The following ZNF605 variants were observed in gnomAD, a reference collection of about 807,000 sequenced individuals.
ZNF605 encodes zinc finger protein 605.
A neutral mutation model predicts 7.9 loss-of-function variants in ZNF605; 9 were observed. The ratio of observed to expected loss-of-function variants is 1.14; its 90% CI spans 0.68 to 1.98. The LOEUF (loss-of-function observed/expected upper bound fraction) is 1.98. Ranked by LOEUF, ZNF605 falls within the 30% of genes most tolerant of loss-of-function variation. ZNF605 has a pLI of 0.00. For missense variants in ZNF605, 673 were observed against 762.4 expected, an observed-to-expected ratio of 0.88 and a Z score of 1.38; for synonymous variants, 255 against 260.1, an observed-to-expected ratio of 0.98 and a Z score of 0.19.
rs888734242 is a variant in ZNF605, at chr12:132,921,757, C to G, written c.*3616G>C. 2 of 152,162 alleles carry G rather than the reference C, an allele frequency of 1.3e-5. No individual in the cohort carries two copies. The highest frequency in any genetic ancestry group is 4.8e-5 in the African/African-American group (2 of 41,436). 9.4% of individuals were successfully genotyped at this position (152,162 alleles called of 1,614,324 possible). The stretch of plus-strand genomic sequence containing the variant: ...GAAAAAGCACTACTGTGAAGCCTAA[C>G]GGCAATTATTTCCCTTCAAAGGAGG... On this transcript the variant is annotated 3_prime_UTR_variant, in exon 5 of 5. Coordinates refer to ENST00000360187, the MANE Select transcript of ZNF605 (RefSeq NM_183238.4).
Position 132,941,291 on chromosome 12 carries a change from A to C in ZNF605, c.15+4330T>G, listed in dbSNP as rs1952438309. Among the ~76,000 whole-genome samples the C allele has an allele frequency of 3.3e-5, 5 of 152,132 alleles. No homozygotes were observed. In the South Asian group the frequency reaches 8.3e-4, roughly 25 times the overall value. On this transcript the variant is annotated intron_variant, in intron 3 of 4. Coordinates refer to ENST00000360187, the MANE Select transcript of ZNF605 (RefSeq NM_183238.4). This position sits in a 1 kb window ranked among gnomAD's most constrained non-coding sequence, Gnocchi z 5.1. ...CTCAGAAGACGGTGAACCACGGGAA[A>C]CAGCTGTCCTGCTTTCCAGACTCTG...
At chr12:132,951,260 C>G (rs1952562033) in intron 1 of ZNF605, among the ~76,000 whole-genome samples, 1 of 151,694 alleles carries the variant, frequency 6.6e-6, no homozygotes, top group African/African-American at 2.4e-5. Context: ...TACAGACGCA[C>G]ATGTACATCA....
rs1348915183 is a variant in ZNF605 at position 132,941,666 on chromosome 12, C to T, written c.15+3955G>A. 6.6e-6 allele frequency among the ~76,000 whole-genome samples: 1 copy of T among 152,254 alleles called. No homozygotes were observed. The highest frequency in any genetic ancestry group is 1.5e-5 in the Non-Finnish European group (1 of 68,046). On this transcript the variant is annotated intron_variant, in intron 3 of 4. Transcript: ENST00000360187. The surrounding 1 kb of genome is among the most constrained non-coding windows in gnomAD (Gnocchi z 5.1). ...GACGAGATAACCGCAGCCTGGACTA[C>T]GCAGCTCAGGCAAGCGACCTCAGGC...
intron 2 of ZNF605, among the ~76,000 whole-genome samples, chr12:132,946,567 C>T (rs984534583): frequency 1.2e-4 from 18 of 152,318 alleles, no homozygotes; most frequent in Admixed American, 6.5e-4. Flanking sequence ...GCCCAGCTGC[C>T]GGTTTCCAAG....
chr12:132,939,148 G>A (rs1011740212), intron 3 of ZNF605, among the ~76,000 whole-genome samples: 76 of 152,114 alleles, frequency 5.0e-4, no homozygotes, highest in Non-Finnish European at 7.1e-4. Context: ...AGCGCACAGC[G>A]CAGGACTGGC....
chr12:132,927,943 C>A (rs1490476397), intron 4 of ZNF605, among the ~76,000 whole-genome samples: 1 of 152,184 alleles, frequency 6.6e-6, no homozygotes, highest in Non-Finnish European at 1.5e-5. Flanking sequence ...GCGTGAGCCA[C>A]CACGCCTGGC....
chr12:132,930,693 A>G (rs1952299464), intron 4 of ZNF605, among the ~76,000 whole-genome samples: 1 of 152,238 alleles, frequency 6.6e-6, no homozygotes, highest in Admixed American at 6.5e-5. Context: ...AAAATCCTAT[A>G]AAGTTATTTC....
In ZNF605 at chr12:132,925,772, T is replaced by G. The variant is rs997560175; in HGVS notation, c.1527A>C (p.Glu509Asp). ...GCTTCCAGGCAAAAGCTTTCCTACA[T>G]TCACTACATTCAAAGGGCTTTTCTC... The part of the protein sequence containing the change: ...HTGEKPFECS[E>D]CRKAFAWKPQ... Residue 509 changes from glutamate (E) to aspartate (D), a missense_variant, in exon 5 of 5, where the codon GAA becomes GAC. Physicochemically the swap from Glu to Asp is conservative, Grantham distance 45. Coordinates refer to ENST00000360187, the MANE Select transcript of ZNF605 (RefSeq NM_183238.4). 7 of 1,614,086 alleles carry G rather than the reference T, an allele frequency of 4.3e-6. No homozygotes were observed. Among genetic ancestry groups the G allele is most frequent in the Non-Finnish European group, 5.9e-6 (7 of 1,179,978 alleles).
chr12:132,940,430 G>A (rs1412708638), intron 3 of ZNF605, among the ~76,000 whole-genome samples: 2 of 152,186 alleles, frequency 1.3e-5, no homozygotes, highest in Admixed American at 6.5e-5. Flanking sequence ...GGGCCTCATG[G>A]AGGAAAACTG....
chr12:132,939,691 G>A (rs567954531), intron 3 of ZNF605, among the ~76,000 whole-genome samples: 3 of 152,166 alleles, frequency 2.0e-5, no homozygotes, highest in South Asian at 4.1e-4. Context: ...CAGGCTGCCC[G>A]AGCCAGCAGT....
intron 1 of ZNF605, among the ~76,000 whole-genome samples, chr12:132,952,417 C>T (rs764974787): frequency 2.4e-4 from 35 of 145,558 alleles, no homozygotes; most frequent in Non-Finnish European, 4.0e-4. Flanking sequence ...GCTGAGATCA[C>T]GCCACTGCAC....
At chr12:132,942,362 T>G (rs1385256822) in intron 3 of ZNF605, among the ~76,000 whole-genome samples, 2 of 152,212 alleles carry the variant, frequency 1.3e-5, no homozygotes, top group Non-Finnish European at 2.9e-5. Flanking sequence ...CTCGGCTTCC[T>G]CACGGTGCTG....
rs1298488542 is a variant in ZNF605 at position 132,926,910 on chromosome 12, C to T, written c.389G>A (p.Cys130Tyr). ...IDELNKKLLF[C>Y]IKPGRTHGGI... is the part of the protein sequence containing the mutation. ...ACCATGGGTTCTGCCAGGTTTGATA[C>T]AGAACAATAATTTCTTATTGAGTTC... Residue 130 changes from cysteine (C) to tyrosine (Y), a missense_variant, in exon 5 of 5, where the codon TGT becomes TAT. Physicochemically the swap from Cys to Tyr is radical, Grantham distance 194 (BLOSUM62 -2). Coordinates refer to ENST00000360187, the MANE Select transcript of ZNF605 (RefSeq NM_183238.4). The T allele has an allele frequency of 6.2e-7, 1 of 1,613,344 alleles. No homozygotes were observed. Among genetic ancestry groups the T allele is most frequent in the African/African-American group, 1.3e-5 (1 of 74,874 alleles).
intron 2 of ZNF605, among the ~76,000 whole-genome samples, chr12:132,947,399 C>T (rs1429181092): frequency 1.3e-5 from 2 of 152,100 alleles, no homozygotes; most frequent in African/African-American, 2.4e-5. Flanking sequence ...TAGCCTCAAC[C>T]TTCCTGGGCT....
chr12:132,926,801 T>C lies in ZNF605; in HGVS notation c.498A>G (p.Thr166=). The change falls in exon 5 of 5, where the codon ACA becomes ACG. Residue 166 remains threonine, a synonymous_variant. Transcript: ENST00000360187. The part of the protein sequence containing the change: ...PWLTANHITH[T]GVYLCMECGR... The stretch of plus-strand genomic sequence containing the variant: ...CACATTCCATGCATAAATAGACTCC[T>C]GTGTGTGTTATGTGATTAGCAGTGA... 1.2e-6 allele frequency: 2 copies of C among 1,614,158 alleles called. No individual in the cohort carries two copies. The highest frequency in any genetic ancestry group is 1.7e-6 in the Non-Finnish European group (2 of 1,180,016).
chr12:132,943,054 C>T (rs1952459921), intron 3 of ZNF605, among the ~76,000 whole-genome samples: 1 of 152,072 alleles, frequency 6.6e-6, no homozygotes, highest in Non-Finnish European at 1.5e-5. Context: ...TCAAGGAGTT[C>T]AGCTCCTGGT....
chr12:132,936,039 C>T (rs1408433563), intron 3 of ZNF605, among the ~76,000 whole-genome samples: 12 of 150,600 alleles, frequency 8.0e-5, no homozygotes, highest in Admixed American at 2.0e-4. Flanking sequence ...CCAGCCTGGG[C>T]GACAGAGCAA....
chr12:132,950,996 G>A (rs11147174), intron 1 of ZNF605, among the ~76,000 whole-genome samples: 24,768 of 118,772 alleles, frequency 0.21, 2,321 homozygotes, highest in Middle Eastern at 0.34. Context: ...TACATCACAC[G>A]CAGACATGTA....
intron 3 of ZNF605, among the ~76,000 whole-genome samples, chr12:132,940,813 A>G (rs910353395): frequency 2.6e-5 from 4 of 152,160 alleles, no homozygotes; most frequent in African/African-American, 9.6e-5. Flanking sequence ...TTTACTGCGT[A>G]ATGCTGAGGT....
Sources: gnomAD v4.1 joint callset for allele counts (sites outside exome capture counted in the v4.1 genomes callset) on GRCh38, gnomAD v4.1.1 for gene constraint, Gnocchi (gnomAD v3.1) non-coding constraint, MANE v1.5 for transcripts, NCBI Gene and HGNC (gene_info 2026-07-23, HGNC 2026-07-21) for gene names.